Variants in THAP4 observed in about 807,000 individuals in gnomAD.
THAP4 encodes peroxynitrite isomerase THAP4.
In THAP4, 18 loss-of-function variants were observed where a neutral mutation model predicts 48.1. The ratio of observed to expected loss-of-function variants is 0.37; its 90% CI spans 0.26 to 0.56. The LOEUF (loss-of-function observed/expected upper bound fraction) is 0.56. THAP4 is among the 20% of genes least tolerant of loss of function. THAP4 has a pLI of 0.78. For missense variants in THAP4, 656 were observed against 774.9 expected, an observed-to-expected ratio of 0.85 and a Z score of 1.82; for synonymous variants, 345 against 324.9, an observed-to-expected ratio of 1.06 and a Z score of -0.66.
chr2:241,602,940 A>G (rs113016801), intron 4 of THAP4, 30 bp downstream of exon 4: 3 of 1,556,560 alleles, frequency 1.9e-6, no homozygotes, highest in Non-Finnish European at 2.7e-6. Context: ...TCCCATGGCC[A>G]GCCCTCCCGC....
chr2:241,619,293 AT>A (rs1399619096), intron 2 of THAP4, among the ~76,000 whole-genome samples: 1 of 152,200 alleles, frequency 6.6e-6, no homozygotes, highest in Non-Finnish European at 1.5e-5. Context: ...GGTTAAGGGG[AT>A]GGATGCCCTC....
intron 5 of THAP4, among the ~76,000 whole-genome samples, chr2:241,595,963 G>A (rs542797912): frequency 2.6e-5 from 4 of 152,290 alleles, no homozygotes; most frequent in African/African-American, 7.2e-5. Context: ...GCAATGGAGC[G>A]CGTCCCGTGG....
At chr2:241,602,245 A>C (rs1575023492) in intron 4 of THAP4, 1 of 530,182 alleles carries the variant, frequency 1.9e-6, no homozygotes, top group South Asian at 2.6e-5. Flanking sequence ...CAGCCCTCCC[A>C]CCTCCACCCA....
At position 241,633,133 on chromosome 2, in the gene THAP4, T is replaced by G; in HGVS notation, c.1024A>C (p.Ile342Leu). 1.9e-6 allele frequency: 3 copies of G among 1,612,206 alleles called. No individual in the cohort carries two copies. The highest frequency in any genetic ancestry group is 1.7e-6 in the Non-Finnish European group (2 of 1,179,028). The change falls in exon 2 of 6, where the codon ATC becomes CTC. Residue 342 changes from isoleucine to leucine, a missense_variant. By Grantham distance (5) the Ile-to-Leu change is conservative. Transcript: ENST00000407315. The surrounding 1 kb of genome is among the most constrained non-coding windows in gnomAD (Gnocchi z 7.5). ...ILSASGACKL[I>L]DSLHSYCFSS... The stretch of plus-strand genomic sequence containing the variant: ...AAGCAGTAGGAGTGCAGTGAGTCGA[T>G]GAGCTTGCAGGCCCCTGACGCCGAC...
chr2:241,585,011 C>T lies in THAP4; in HGVS notation c.1615-286G>A, dbSNP rs2066876348. ...CTGAACGCACCTGATCTCGTCTGAC[C>T]TCGGAAGCTAAGGAGGGTCGGGCCT... is the stretch of plus-strand genomic sequence containing the variant. On this transcript the variant is annotated intron_variant, in intron 5 of 5. Coordinates refer to ENST00000407315, the MANE Select transcript of THAP4 (RefSeq NM_015963.6). 4 of 367,772 alleles carry T rather than the reference C, an allele frequency of 1.1e-5. No homozygotes were observed. The South Asian group carries it at 1.2e-4, about 11-fold the overall frequency. 22.8% of individuals were successfully genotyped at this position (367,772 alleles called of 1,614,324 possible).
At chr2:241,634,963 G>A (rs1326100031) in intron 1 of THAP4, among the ~76,000 whole-genome samples, 1 of 152,264 alleles carries the variant, frequency 6.6e-6, no homozygotes, top group Non-Finnish European at 1.5e-5. Context: ...AGAGACAGGA[G>A]AATGCGGGTT....
rs1402982215 is a variant in THAP4 at position 241,637,108 on chromosome 2, C to G, written c.-91G>C. On this transcript the variant is annotated 5_prime_UTR_variant, in exon 1 of 6. Coordinates refer to ENST00000407315, the MANE Select transcript of THAP4 (RefSeq NM_015963.6). ...CCCGAGGGAGGGAGCGCGGCGGCGA[C>G]ACGGCTCGGGACGTGGGCCGGCCCG... The G allele has an allele frequency of 9.8e-7, 1 of 1,018,028 alleles. No homozygotes were observed. 63.1% of individuals were successfully genotyped at this position (1,018,028 alleles called of 1,614,324 possible).
At position 241,637,037 on chromosome 2, in the gene THAP4, G is replaced by C; in HGVS notation, c.-20C>G. The stretch of plus-strand genomic sequence containing the variant: ...CACCATCGCGGGCCTTGGCCCAGCC[G>C]CGCAGCCAGGCCCCGGCCCTAGCCG... On this transcript the variant is annotated 5_prime_UTR_variant, in exon 1 of 6. Coordinates refer to ENST00000407315, the MANE Select transcript of THAP4 (RefSeq NM_015963.6). 1 of 1,238,320 alleles carries C rather than the reference G, an allele frequency of 8.1e-7. No individual in the cohort carries two copies. Among genetic ancestry groups the C allele is most frequent in the Non-Finnish European group, 1.0e-6 (1 of 966,354 alleles). 76.7% of individuals were successfully genotyped at this position (1,238,320 alleles called of 1,614,324 possible).
chr2:241,623,007 G>A (rs1020212762), intron 2 of THAP4, among the ~76,000 whole-genome samples: 2 of 149,814 alleles, frequency 1.3e-5, no homozygotes, highest in Non-Finnish European at 3.0e-5. Flanking sequence ...CACAATGTCA[G>A]GAGATCGAGA....
intron 4 of THAP4, 61 bp from the exon 5 acceptor site, chr2:241,602,060 G>A: frequency 6.5e-7 from 1 of 1,546,410 alleles, no homozygotes; most frequent in Non-Finnish European, 8.8e-7. Flanking sequence ...AGGCAGCCTT[G>A]ACTCTCCTTG....
At chr2:241,620,331 G>C (rs1381338052) in intron 2 of THAP4, among the ~76,000 whole-genome samples, 4 of 108,766 alleles carry the variant, frequency 3.7e-5, no homozygotes, top group Non-Finnish European at 5.7e-5. Context: ...GAGTCGGTGA[G>C]TGAGTCAGTG....
chr2:241,588,256 A>G (rs1051390449), intron 5 of THAP4, among the ~76,000 whole-genome samples: 5 of 152,234 alleles, frequency 3.3e-5, no homozygotes, highest in African/African-American at 1.2e-4. Flanking sequence ...TGCAAAACCA[A>G]TACGTTGAAA....
Position 241,619,727 on chromosome 2 carries a change from GGTGAGGGGTGA to G in THAP4, c.1240+13179_1240+13189del, listed in dbSNP as rs1225921870. ...TCGGTGAGTGAAGGGTGAGTGAGTCGGTGAGGGGTGAGTGAGGGGTGAGTGAGTTGGTGAGT... is the reference window on the plus strand; with the variant it reads ...TCGGTGAGTGAAGGGTGAGTGAGTCGGTGAGGGGTGAGTGAGTTGGTGAGT... On this transcript the variant is annotated intron_variant, in intron 2 of 5. Coordinates refer to ENST00000407315, the MANE Select transcript of THAP4 (RefSeq NM_015963.6). 1.7e-3 allele frequency among the ~76,000 whole-genome samples: 234 copies of G among 141,420 alleles called. 1 individual carries two copies. Among genetic ancestry groups the G allele is most frequent in the African/African-American group, 3.9e-3 (148 of 38,164 alleles). The allele number at this position is 141,420 out of a possible 152,430, so 92.8% of individuals were successfully genotyped here.
intron 5 of THAP4, among the ~76,000 whole-genome samples, chr2:241,598,815 C>T (rs769616645): frequency 6.6e-6 from 1 of 151,888 alleles, no homozygotes; most frequent in Non-Finnish European, 1.5e-5. Context: ...GTTATAAAAG[C>T]ATTTGATGAA....
At position 241,616,637 on chromosome 2, in the gene THAP4, T is replaced by C. The variant is rs528716571; in HGVS notation, c.1241-10164A>G. ...GGGACAGGACAGGACGCAGCACTTA[T>C]GTGGCAATTTCTTTTTAAAAAACTA... is the stretch of plus-strand genomic sequence containing the variant. On this transcript the variant is annotated intron_variant, in intron 2 of 5. Coordinates refer to ENST00000407315, the MANE Select transcript of THAP4 (RefSeq NM_015963.6). This position sits in a 1 kb window ranked among gnomAD's most constrained non-coding sequence, Gnocchi z 4.6. Among the ~76,000 whole-genome samples, 9 of 152,292 alleles carry C rather than the reference T, an allele frequency of 5.9e-5. No homozygotes were observed. The highest frequency in any genetic ancestry group is 3.9e-4 in the East Asian group (2 of 5,182).
Position 241,601,307 on chromosome 2 carries a change from A to C in THAP4, c.1614+589T>G, listed in dbSNP as rs564581499. On this transcript the variant is annotated intron_variant, in intron 5 of 5. Transcript: ENST00000407315. This position sits in a 1 kb window ranked among gnomAD's most constrained non-coding sequence, Gnocchi z 4.0. ...AAGAACAATCCACAGAAAAACAGGC[A>C]AAGACTTTAAATATCAAGTGCACAG... Among the ~76,000 whole-genome samples the C allele has an allele frequency of 2.0e-5, 3 of 152,314 alleles. No individual in the cohort carries two copies. In the South Asian group the frequency reaches 6.2e-4, roughly 32 times the overall value.
At chr2:241,608,504 A>G (rs2067218479) in intron 2 of THAP4, among the ~76,000 whole-genome samples, 3 of 152,074 alleles carry the variant, frequency 2.0e-5, no homozygotes, top group African/African-American at 4.8e-5. Context: ...TCCTAATTAG[A>G]CAATAAGAGA....
chr2:241,620,764 G>A lies in THAP4; in HGVS notation c.1240+12153C>T, dbSNP rs1021972090. Among the ~76,000 whole-genome samples the A allele has an allele frequency of 6.6e-5, 10 of 152,014 alleles. No homozygotes were observed. The South Asian group carries it at 8.3e-4, about 13-fold the overall frequency. On this transcript the variant is annotated intron_variant, in intron 2 of 5. Transcript: ENST00000407315. ...TACTGCACAGAGGCTACACTAAATC[G>A]ATTAAAAAAAATTGTACTACGATGT...
At chr2:241,617,449 G>A (rs756201828) in intron 2 of THAP4, 1 of 1,551,300 alleles carries the variant, frequency 6.4e-7, no homozygotes, top group South Asian at 1.2e-5. Flanking sequence ...CACTCGTCAA[G>A]GTTCCTCAAG....
Sources: gnomAD v4.1 joint callset for allele counts (sites outside exome capture counted in the v4.1 genomes callset) on GRCh38, gnomAD v4.1.1 for gene constraint, Gnocchi (gnomAD v3.1) non-coding constraint, MANE v1.5 for transcripts, NCBI Gene and HGNC (gene_info 2026-07-23, HGNC 2026-07-21) for gene names.